MFSD2A: variants seen among roughly 807,000 people sequenced by gnomAD.
The protein encoded by MFSD2A is sodium-dependent lysophosphatidylcholine symporter 1.
In MFSD2A, 27 loss-of-function variants were observed where a neutral mutation model predicts 64.7. The ratio of observed to expected loss-of-function variants is 0.42; its 90% CI spans 0.31 to 0.58. The LOEUF is 0.58. Among genes scored for constraint, MFSD2A ranks in the 20% least tolerant of loss-of-function variants. The probability of loss-of-function intolerance (pLI) is 0.18; values close to 1 mark genes in which losing one functional copy is unlikely to be tolerated. For missense variants in MFSD2A, 474 were observed against 679.5 expected (o/e 0.70, Z 3.36); for synonymous variants, 258 against 273.4 (o/e 0.94, Z 0.55).
rs1570262335 is a variant in MFSD2A, at chr1:39,968,022, G to C, written c.1208+106G>C. 2.8e-6 allele frequency: 2 copies of C among 718,788 alleles called. No individual in the cohort carries two copies. The highest frequency in any genetic ancestry group is 5.3e-5 in the East Asian group (2 of 37,902). The allele number at this position is 718,788 out of a possible 1,614,324, so 44.5% of individuals were successfully genotyped here. Reference sequence around the variant, plus strand: ...GCAGTGTTCTCCCACAGGCCATTCTGTGGGTCCAGGTTAGGAGTGGGGGAG... The same window carrying C: ...GCAGTGTTCTCCCACAGGCCATTCTCTGGGTCCAGGTTAGGAGTGGGGGAG... On this transcript the variant is annotated intron_variant, in intron 11 of 13. Transcript: ENST00000372811. The surrounding 1 kb of genome is among the most constrained non-coding windows in gnomAD (Gnocchi z 4.4).
At chr1:39,956,809 G>A (rs1351929051) in intron 1 of MFSD2A, among the ~76,000 whole-genome samples, 2 of 150,534 alleles carry the variant, frequency 1.3e-5, no homozygotes, top group African/African-American at 2.5e-5. Context: ...CCAGCTACTT[G>A]GGAGGCTGAG....
Position 39,967,609 on chromosome 1 carries a change from C to A in MFSD2A, c.1012-19C>A. 5 of 1,612,568 alleles carry A rather than the reference C, an allele frequency of 3.1e-6. No homozygotes were observed. The highest frequency in any genetic ancestry group is 4.2e-6 in the Non-Finnish European group (5 of 1,178,802). ...TGGCTCTAAAGCACCTCCCTTTAAC[C>A]CCCTTTGTCCATCCACAGCTCTCGG... On this transcript the variant is annotated intron_variant, in intron 9 of 13. Coordinates refer to ENST00000372811, the MANE Select transcript of MFSD2A (RefSeq NM_032793.5).
rs1400579613 is a variant in MFSD2A, at chr1:39,956,380, G to A, written c.94-707G>A. Reference sequence around the variant, plus strand: ...CGTAGCTCTCTAGAGCTCTCACCAGGAGTAGGCAGGTGGATCCTGTCTCTG... The same window carrying A: ...CGTAGCTCTCTAGAGCTCTCACCAGAAGTAGGCAGGTGGATCCTGTCTCTG... On this transcript the variant is annotated intron_variant, in intron 1 of 13. Transcript: ENST00000372811. 3.9e-5 allele frequency among the ~76,000 whole-genome samples: 6 copies of A among 152,222 alleles called. No homozygotes were observed. The South Asian group carries it at 8.3e-4, about 21-fold the overall frequency.
At position 39,968,011 on chromosome 1, in the gene MFSD2A, C is replaced by A; in HGVS notation, c.1208+95C>A. 1 of 771,080 alleles carries A rather than the reference C, an allele frequency of 1.3e-6. No individual in the cohort carries two copies. Among genetic ancestry groups the A allele is most frequent in the Admixed American group, 2.7e-5 (1 of 37,150 alleles). 47.8% of individuals were successfully genotyped at this position (771,080 alleles called of 1,614,324 possible). Reference sequence around the variant, plus strand: ...GAGAGTTCTATGCAGTGTTCTCCCACAGGCCATTCTGTGGGTCCAGGTTAG... The same window carrying A: ...GAGAGTTCTATGCAGTGTTCTCCCAAAGGCCATTCTGTGGGTCCAGGTTAG... On this transcript the variant is annotated intron_variant, in intron 11 of 13. Transcript: ENST00000372811. This position sits in a 1 kb window ranked among gnomAD's most constrained non-coding sequence, Gnocchi z 4.4.
chr1:39,962,520 C>A (rs778656606), intron 3 of MFSD2A, among the ~76,000 whole-genome samples: 1 of 152,238 alleles, frequency 6.6e-6, no homozygotes, highest in Non-Finnish European at 1.5e-5. Flanking sequence ...AAAATGTTTA[C>A]GAGCTTCTTC....
chr1:39,969,822 C>A lies in MFSD2A; in HGVS notation c.*254C>A. 2.0e-6 allele frequency: 1 copy of A among 509,252 alleles called. No homozygotes were observed. The highest frequency in any genetic ancestry group is 3.4e-6 in the Non-Finnish European group (1 of 293,480). 31.5% of individuals were successfully genotyped at this position (509,252 alleles called of 1,614,324 possible). The stretch of plus-strand genomic sequence containing the variant: ...TGCCAAGGACTGATCGGGCCTAGCC[C>A]GGAACACTAATGTAGAAACCTTTTT... On this transcript the variant is annotated 3_prime_UTR_variant, in exon 14 of 14. Coordinates refer to ENST00000372811, the MANE Select transcript of MFSD2A (RefSeq NM_032793.5).
rs1160277832 is a variant in MFSD2A at position 39,964,763 on chromosome 1, TGTGTGTGTGTGTGAATGAG to T, written c.354-436_354-418del. ...GTGAATGAGGTGTGTGTGAATGGGG[TGTGTGTGTGTGTGAATGAG>T]GTGTGTGTGTGAATGGGGTGTGTGT... On this transcript the variant is annotated intron_variant, in intron 3 of 13. Coordinates refer to ENST00000372811, the MANE Select transcript of MFSD2A (RefSeq NM_032793.5). This position sits in a 1 kb window ranked among gnomAD's most constrained non-coding sequence, Gnocchi z 4.1. 3.1e-3 allele frequency: 276 copies of T among 88,360 alleles called. 2 individuals carry two copies. The highest frequency in any genetic ancestry group is 2.3e-3 in the Non-Finnish European group (95 of 41,176). 5.5% of individuals were successfully genotyped at this position (88,360 alleles called of 1,614,324 possible). A position where few individuals can be genotyped will look rare whatever the true frequency, so the allele number is the denominator to read the frequency against.
Position 39,966,545 on chromosome 1 carries a change from G to A in MFSD2A, c.715-56G>A, listed in dbSNP as rs759353639. On this transcript the variant is annotated intron_variant, in intron 6 of 13. Transcript: ENST00000372811. The stretch of plus-strand genomic sequence containing the variant: ...ATTGAGTGGGGCTGCTGGAACTGGG[G>A]TGCTGGGATGAGCTCAAACTGACCA... 5 of 1,439,434 alleles carry A rather than the reference G, an allele frequency of 3.5e-6. No homozygotes were observed. The East Asian group carries it at 6.8e-5, about 20-fold the overall frequency. The allele number at this position is 1,439,434 out of a possible 1,614,324, so 89.2% of individuals were successfully genotyped here. A position where few individuals can be genotyped will look rare whatever the true frequency, so the allele number is the denominator to read the frequency against.
chr1:39,962,552 G>A (rs948706193), intron 3 of MFSD2A: 30 of 595,330 alleles, frequency 5.0e-5, no homozygotes, highest in Admixed American at 4.3e-4. Flanking sequence ...ACCAAATGGC[G>A]GATGACACTG....
intron 3 of MFSD2A, among the ~76,000 whole-genome samples, chr1:39,961,402 G>T (rs1645041415): frequency 7.4e-6 from 1 of 134,650 alleles, no homozygotes; most frequent in South Asian, 2.3e-4. Context: ...AGACTGGAGT[G>T]CACTGGCGTG....
Position 39,965,454 on chromosome 1 carries a change from C to T in MFSD2A, c.478-17C>T. ...GTCCACCCGCCTGACCAGCCAATGA[C>T]CTGTCTTCTATGCCAGTGTTTCCAT... On this transcript the variant is annotated splice_polypyrimidine_tract_variant and intron_variant, in intron 4 of 13. Coordinates refer to ENST00000372811, the MANE Select transcript of MFSD2A (RefSeq NM_032793.5). The surrounding 1 kb of genome is among the most constrained non-coding windows in gnomAD (Gnocchi z 5.5). The T allele has an allele frequency of 3.7e-6, 6 of 1,614,020 alleles. No homozygotes were observed. Among genetic ancestry groups the T allele is most frequent in the Non-Finnish European group, 5.1e-6 (6 of 1,179,960 alleles).
rs757637413 is a variant in MFSD2A, at chr1:39,965,543, G to A, written c.550G>A (p.Ala184Thr). ...GCAGACTGAGCGGGATTCTGCCACC[G>A]CCTATCGTGAGTCTCCCCAGCCCAC... The part of the protein sequence containing the change: ...TEQTERDSAT[A>T]YRMTVEVLGT... The change falls in exon 5 of 14, where the codon GCC (alanine) becomes ACC (threonine). Residue 184 changes from alanine (A) to threonine (T), a missense_variant. Physicochemically the swap from Ala to Thr is moderately conservative, Grantham distance 58. Transcript: ENST00000372811. This position sits in a 1 kb window ranked among gnomAD's most constrained non-coding sequence, Gnocchi z 5.5. 6 of 1,613,848 alleles carry A rather than the reference G, an allele frequency of 3.7e-6. No individual in the cohort carries two copies. Among genetic ancestry groups the A allele is most frequent in the East Asian group, 2.2e-5 (1 of 44,882 alleles).
In MFSD2A at chr1:39,965,807, G is replaced by T; in HGVS notation, c.557-50G>T. 6.2e-7 allele frequency: 1 copy of T among 1,606,102 alleles called. No homozygotes were observed. Among genetic ancestry groups the T allele is most frequent in the African/African-American group, 1.3e-5 (1 of 74,826 alleles). On this transcript the variant is annotated intron_variant, in intron 5 of 13. Transcript: ENST00000372811. The surrounding 1 kb of genome is among the most constrained non-coding windows in gnomAD (Gnocchi z 5.5). The stretch of plus-strand genomic sequence containing the variant: ...CCCACCCATTTGACCTTCCTCCCTG[G>T]GCCCACAATCCATGAGGCCCCTCCA...
intron 2 of MFSD2A, among the ~76,000 whole-genome samples, chr1:39,957,600 T>G (rs1322409451): frequency 1.3e-5 from 2 of 152,208 alleles, no homozygotes; most frequent in African/African-American, 2.4e-5. Flanking sequence ...TGGTGGCTGT[T>G]GCCAGGCTTG....
In MFSD2A at chr1:39,955,439, G is replaced by C. The variant is rs1167150052; in HGVS notation, c.93+54G>C. On this transcript the variant is annotated intron_variant, in intron 1 of 13. Transcript: ENST00000372811. This position sits in a 1 kb window ranked among gnomAD's most constrained non-coding sequence, Gnocchi z 5.9. ...CGAGGGGAGGGAGGAGGCGGAAATG[G>C]GGGATCAGGGGCGTCCCGGGGTCGG... The C allele has an allele frequency of 6.7e-7, 1 of 1,482,522 alleles. No homozygotes were observed. The highest frequency in any genetic ancestry group is 1.4e-5 in the African/African-American group (1 of 70,772). 91.8% of individuals were successfully genotyped at this position (1,482,522 alleles called of 1,614,324 possible). A position where few individuals can be genotyped will look rare whatever the true frequency, so the allele number is the denominator to read the frequency against.
In MFSD2A at chr1:39,965,086, T is replaced by G; in HGVS notation, c.354-125T>G. 2 of 1,339,886 alleles carry G rather than the reference T, an allele frequency of 1.5e-6. No homozygotes were observed. The highest frequency in any genetic ancestry group is 2.0e-6 in the Non-Finnish European group (2 of 982,440). 83.0% of individuals were successfully genotyped at this position (1,339,886 alleles called of 1,614,324 possible). ...CCAGGATGGGTGGATTTGGCAGGAG[T>G]ATGGGGAAGGAAGGAAGAGCTTAGC... On this transcript the variant is annotated intron_variant, in intron 3 of 13. Transcript: ENST00000372811. The surrounding 1 kb of genome is among the most constrained non-coding windows in gnomAD (Gnocchi z 5.5).
chr1:39,955,588 A>G lies in MFSD2A; in HGVS notation c.93+203A>G. ...TGGGCGCCCTCGCCCCCCTTTGCTC[A>G]CCCGCACTCCACGCTCTGCGGAGAG... On this transcript the variant is annotated intron_variant, in intron 1 of 13. Transcript: ENST00000372811. The surrounding 1 kb of genome is among the most constrained non-coding windows in gnomAD (Gnocchi z 5.9). 1.4e-6 allele frequency: 1 copy of G among 697,562 alleles called. No homozygotes were observed. The highest frequency in any genetic ancestry group is 2.6e-6 in the Non-Finnish European group (1 of 385,144). 43.2% of individuals were successfully genotyped at this position (697,562 alleles called of 1,614,324 possible).
Position 39,964,510 on chromosome 1 carries a change from A to C in MFSD2A, c.354-701A>C, listed in dbSNP as rs1165203533. On this transcript the variant is annotated intron_variant, in intron 3 of 13. Coordinates refer to ENST00000372811, the MANE Select transcript of MFSD2A (RefSeq NM_032793.5). This position sits in a 1 kb window ranked among gnomAD's most constrained non-coding sequence, Gnocchi z 4.1. ...CTTGCTATACTGATGCCATGAAGTT[A>C]GTCCATCCTGAGGTCTAACCCCTTT... 1.3e-5 allele frequency: 2 copies of C among 152,318 alleles called. No individual in the cohort carries two copies. The highest frequency in any genetic ancestry group is 2.9e-5 in the Non-Finnish European group (2 of 68,092). The allele number at this position is 152,318 out of a possible 1,614,324, so 9.4% of individuals were successfully genotyped here. A position where few individuals can be genotyped will look rare whatever the true frequency, so the allele number is the denominator to read the frequency against.
Position 39,960,135 on chromosome 1 carries a change from G to GCA in MFSD2A, c.353+1310_353+1311insCA. Among the ~76,000 whole-genome samples, 1 of 152,266 alleles carries GCA rather than the reference G, an allele frequency of 6.6e-6. No homozygotes were observed. Among genetic ancestry groups the GCA allele is most frequent in the Non-Finnish European group, 1.5e-5 (1 of 68,044 alleles). ...AGCTTCAGGGGCAAAGTAGGCGGAG[G>GCA]TGGTGCCACGGATCGGATCAGACGG... is the stretch of plus-strand genomic sequence containing the variant. On this transcript the variant is annotated intron_variant, in intron 3 of 13. Transcript: ENST00000372811. The surrounding 1 kb of genome is among the most constrained non-coding windows in gnomAD (Gnocchi z 4.8).
Sources: allele counts gnomAD v4.1 joint callset (sites outside exome capture counted in the v4.1 genomes callset), GRCh38; gene constraint gnomAD v4.1.1; non-coding constraint Gnocchi (gnomAD v3.1); transcripts MANE v1.5; gene names NCBI Gene and HGNC (gene_info 2026-07-23, HGNC 2026-07-21).